TLE1: variants seen among roughly 807,000 people sequenced by gnomAD.
TLE1 encodes the protein transducin-like enhancer protein 1.
In TLE1, 21 loss-of-function variants were observed where a neutral mutation model predicts 89.8. The ratio of observed to expected loss-of-function variants is 0.23; its 90% CI spans 0.17 to 0.34. The LOEUF (loss-of-function observed/expected upper bound fraction) is 0.34, where lower values mean the gene tolerates loss of function less well. Among genes scored for constraint, TLE1 ranks in the 10% least tolerant of loss-of-function variants. The probability of loss-of-function intolerance (pLI) is 1.00; values close to 1 mark genes in which losing one functional copy is unlikely to be tolerated. For missense variants in TLE1, 795 were observed against 1,031.2 expected (o/e 0.77, Z 3.14); for synonymous variants, 447 against 407.6 (o/e 1.10, Z -1.16).
chr9:81,605,695 G>T lies in TLE1; in HGVS notation c.1331+4525C>A, dbSNP rs370977206. ...AAGAAAACCTAGGCAATACCATTCA[G>T]GACATAGGCATGGGCAAAGACTTCA... On this transcript the variant is annotated intron_variant, in intron 14 of 19. Transcript: ENST00000376499. Among the ~76,000 whole-genome samples, 146 of 152,118 alleles carry T rather than the reference G, an allele frequency of 9.6e-4. No individual in the cohort carries two copies. In the South Asian group the frequency reaches 0.013, roughly 13 times the overall value.
At chr9:81,604,967 C>T (rs1433088256) in intron 14 of TLE1, among the ~76,000 whole-genome samples, 3 of 152,108 alleles carry the variant, frequency 2.0e-5, no homozygotes, top group Non-Finnish European at 4.4e-5. Flanking sequence ...CAAGTCAAAC[C>T]AGGATATTTA....
Position 81,687,795 on chromosome 9 carries a change from G to A in TLE1, c.25-361C>T, listed in dbSNP as rs559735263. ...GCGATAATGACCCCGGGGACCAGAGGAGAAAAACAACTCCTTTACGCTCCC... is the reference window on the plus strand; with the variant it reads ...GCGATAATGACCCCGGGGACCAGAGAAGAAAAACAACTCCTTTACGCTCCC... On this transcript the variant is annotated intron_variant, in intron 1 of 19. Transcript: ENST00000376499. Among the ~76,000 whole-genome samples the A allele has an allele frequency of 3.8e-3, 577 of 152,148 alleles. 5 individuals are homozygous for A. Among genetic ancestry groups the A allele is most frequent in the Non-Finnish European group, 6.2e-3 (423 of 67,994 alleles).
Position 81,688,631 on chromosome 9 carries a change from C to A in TLE1, c.-391G>T. Reference sequence around the variant, plus strand: ...CCTCGGCGATCCGCGTGCGCGGCGCCAGTCCTGGGCAAACAAATCCAGACG... The same window carrying A: ...CCTCGGCGATCCGCGTGCGCGGCGCAAGTCCTGGGCAAACAAATCCAGACG... On this transcript the variant is annotated 5_prime_UTR_variant, in exon 1 of 20. Coordinates refer to ENST00000376499, the MANE Select transcript of TLE1 (RefSeq NM_005077.5). 1 of 214,742 alleles carries A rather than the reference C, an allele frequency of 4.7e-6. No individual in the cohort carries two copies. Among genetic ancestry groups the A allele is most frequent in the Non-Finnish European group, 9.1e-6 (1 of 109,646 alleles). 13.3% of individuals were successfully genotyped at this position (214,742 alleles called of 1,614,324 possible).
chr9:81,659,926 C>G (rs1363388523), intron 4 of TLE1, among the ~76,000 whole-genome samples: 3 of 152,114 alleles, frequency 2.0e-5, no homozygotes, highest in African/African-American at 7.2e-5. Context: ...AGGCCTGCCT[C>G]AAATTCACTG....
intron 14 of TLE1, among the ~76,000 whole-genome samples, chr9:81,603,479 G>A (rs1355508293): frequency 1.3e-5 from 2 of 152,024 alleles, no homozygotes; most frequent in East Asian, 1.9e-4. Flanking sequence ...AATTTCCCAC[G>A]AGAAAGGTGC....
At chr9:81,613,250 T>C in intron 12 of TLE1, 127 bp downstream of exon 12, 1 of 1,308,246 alleles carries the variant, frequency 7.6e-7, no homozygotes. Flanking sequence ...TTTTCAGAGA[T>C]AGGAAGGAGG....
At chr9:81,623,536 A>G (rs778331035) in intron 8 of TLE1, among the ~76,000 whole-genome samples, 12 of 149,626 alleles carry the variant, frequency 8.0e-5, no homozygotes, top group Non-Finnish European at 1.6e-4. Flanking sequence ...CCCAGCACTT[A>G]GGGAGGCCGA....
Position 81,622,281 on chromosome 9 carries a change from T to C in TLE1, c.595-1724A>G, listed in dbSNP as rs532652059. Among the ~76,000 whole-genome samples, 5 of 152,284 alleles carry C rather than the reference T, an allele frequency of 3.3e-5. No homozygotes were observed. In the East Asian group the frequency reaches 9.7e-4, roughly 29 times the overall value. Reference sequence around the variant, plus strand: ...GGCAGGGCTGTATCTTATTCAACTTTAAATCCGCCCAAGTGCCCAGCAAAA... The same window carrying C: ...GGCAGGGCTGTATCTTATTCAACTTCAAATCCGCCCAAGTGCCCAGCAAAA... On this transcript the variant is annotated intron_variant, in intron 8 of 19. Transcript: ENST00000376499.
At chr9:81,681,511 C>T (rs547870065) in intron 4 of TLE1, among the ~76,000 whole-genome samples, 8 of 151,690 alleles carry the variant, frequency 5.3e-5, no homozygotes, top group Non-Finnish European at 8.8e-5. Context: ...GACTGTGCCA[C>T]CACACTCCAG....
In TLE1 at chr9:81,593,161, T is replaced by C. The variant is rs1163307598; in HGVS notation, c.1445A>G (p.Asn482Ser). Residue 482 changes from asparagine to serine, a missense_variant, in exon 15 of 20, where the codon AAC becomes AGC. Around this residue, in one of 4 missense-constraint regions of TLE1, gnomAD observed 468 missense variants for 509.1 expected, o/e 0.92. Coordinates refer to ENST00000376499, the MANE Select transcript of TLE1 (RefSeq NM_005077.5). The part of the protein sequence containing the change: ...PRHARQINTL[N>S]HGEVVCAVTI... ...CACAGCGCACACCACCTCCCCGTGGTTGAGGGTGTTGATCTGGCGAGCATG... is the reference window on the plus strand; with the variant it reads ...CACAGCGCACACCACCTCCCCGTGGCTGAGGGTGTTGATCTGGCGAGCATG... 1.2e-6 allele frequency: 2 copies of C among 1,613,950 alleles called. No homozygotes were observed. Among genetic ancestry groups the C allele is most frequent in the East Asian group, 4.5e-5 (2 of 44,884 alleles).
intron 6 of TLE1, 30 bp downstream of exon 6, chr9:81,652,184 T>G: frequency 6.2e-7 from 1 of 1,608,608 alleles, no homozygotes; most frequent in Non-Finnish European, 8.5e-7. Context: ...TTATACACAC[T>G]GTAGGAGGTA....
intron 6 of TLE1, among the ~76,000 whole-genome samples, chr9:81,638,870 C>T (rs1369558343): frequency 5.3e-5 from 8 of 152,076 alleles, no homozygotes; most frequent in Non-Finnish European, 1.5e-5. Context: ...AGTGATCCTC[C>T]CACTCCGGCC....
At chr9:81,649,214 T>A (rs1358534269) in intron 6 of TLE1, among the ~76,000 whole-genome samples, 1 of 152,176 alleles carries the variant, frequency 6.6e-6, no homozygotes, top group Admixed American at 6.5e-5. Context: ...TGAAGGCAGG[T>A]GCTATGGTGA....
intron 4 of TLE1, among the ~76,000 whole-genome samples, chr9:81,673,476 C>T (rs73647873): frequency 0.01 from 1,570 of 152,082 alleles, 38 homozygotes; most frequent in African/African-American, 0.036. Flanking sequence ...AGTCCAAGAG[C>T]AGGGGTAGAG....
chr9:81,591,189 C>T (rs1163084296), intron 15 of TLE1, 137 bp from the exon 16 acceptor site: 1 of 1,211,174 alleles, frequency 8.3e-7, no homozygotes, highest in Non-Finnish European at 1.1e-6. Context: ...GTTCTCTAGT[C>T]AAGATTGGGG....
intron 6 of TLE1, among the ~76,000 whole-genome samples, chr9:81,647,656 GACC>G (rs1428492460): frequency 2.0e-5 from 3 of 152,232 alleles, no homozygotes; most frequent in East Asian, 3.9e-4. Flanking sequence ...AAGGAGTCAG[GACC>G]ACATGTTCAG....
chr9:81,592,619 G>C (rs1829702570), intron 15 of TLE1, among the ~76,000 whole-genome samples: 1 of 152,136 alleles, frequency 6.6e-6, no homozygotes, highest in Non-Finnish European at 1.5e-5. Context: ...TGGTTTTTAT[G>C]CCATGTTATC....
intron 14 of TLE1, among the ~76,000 whole-genome samples, chr9:81,599,244 C>T (rs1203157723): frequency 1.3e-5 from 2 of 152,158 alleles, no homozygotes; most frequent in African/African-American, 2.4e-5. Context: ...AAGTAACTCG[C>T]CCATAACCAC....
chr9:81,587,482 T>C (rs1308656472), intron 17 of TLE1, among the ~76,000 whole-genome samples, 199 bp downstream of exon 17: 5 of 152,060 alleles, frequency 3.3e-5, no homozygotes, highest in African/African-American at 1.2e-4. Flanking sequence ...TAAAAACCAC[T>C]CTAGTTTTGG....
Sources: gnomAD v4.1 joint callset for allele counts (sites outside exome capture counted in the v4.1 genomes callset) on GRCh38, gnomAD v4.1.1 for gene constraint, gnomAD v4.1.1 regional missense constraint, MANE v1.5 for transcripts, NCBI Gene and HGNC (gene_info 2026-07-23, HGNC 2026-07-21) for gene names.